The following OSBPL10 variants were observed in gnomAD, a reference collection of about 807,000 sequenced individuals.
OSBPL10 encodes oxysterol-binding protein-related protein 10.
OSBPL10 carries 49 observed loss-of-function variants against 81.7 expected under a neutral mutation model. The ratio of observed to expected loss-of-function variants is 0.60; its 90% CI spans 0.48 to 0.76. OSBPL10 has a LOEUF of 0.76. OSBPL10 is among the 30% of genes least tolerant of loss of function. The probability of loss-of-function intolerance (pLI) is 0.00; values close to 1 mark genes in which losing one functional copy is unlikely to be tolerated. For missense variants in OSBPL10, 923 were observed against 987.8 expected (o/e 0.93, Z 0.88); for synonymous variants, 419 against 383.6 (o/e 1.09, Z -1.08).
chr3:31,761,043 T>A (rs988947643), intron 4 of OSBPL10, among the ~76,000 whole-genome samples: 1 of 152,228 alleles, frequency 6.6e-6, no homozygotes, highest in Non-Finnish European at 1.5e-5. Flanking sequence ...CTCAGTCGTG[T>A]GTGAGCTGTC....
intron 8 of OSBPL10, among the ~76,000 whole-genome samples, chr3:31,676,895 G>A (rs1461780343): frequency 1.3e-5 from 2 of 152,170 alleles, no homozygotes; most frequent in African/African-American, 2.4e-5. Context: ...GGCTCTCACT[G>A]TTAGAGCAAT....
chr3:31,990,677 C>T, intron 2 of OSBPL10: 1 of 1,614,154 alleles, frequency 6.2e-7, no homozygotes. Flanking sequence ...AGACTTCATA[C>T]TGGAGAGAAA....
At chr3:31,853,575 G>C (rs1229871180) in intron 3 of OSBPL10, among the ~76,000 whole-genome samples, 1 of 152,190 alleles carries the variant, frequency 6.6e-6, no homozygotes. Context: ...CGATGCTATA[G>C]TTTGCCCAGC....
intron 4 of OSBPL10, among the ~76,000 whole-genome samples, chr3:31,815,532 C>T (rs1699814743): frequency 6.6e-6 from 1 of 152,114 alleles, no homozygotes; most frequent in Admixed American, 6.5e-5. Flanking sequence ...AGAGAGGTGG[C>T]CAGTTATGGA....
chr3:31,744,838 A>G (rs1355707475), intron 5 of OSBPL10, among the ~76,000 whole-genome samples: 2 of 151,636 alleles, frequency 1.3e-5, no homozygotes, highest in African/African-American at 2.4e-5. Flanking sequence ...TATTTTTTTC[A>G]AGAGGGATTA....
chr3:31,924,038 G>T (rs950955423), intron 1 of OSBPL10, among the ~76,000 whole-genome samples: 2 of 151,964 alleles, frequency 1.3e-5, no homozygotes, highest in Non-Finnish European at 2.9e-5. Context: ...CCAACATAGT[G>T]AAACCCTGTC....
At chr3:31,864,560 T>C (rs577303882) in intron 3 of OSBPL10, among the ~76,000 whole-genome samples, 4 of 151,920 alleles carry the variant, frequency 2.6e-5, no homozygotes, top group African/African-American at 9.7e-5. Context: ...CCATATAAAG[T>C]ATATGAGCTT....
chr3:32,027,838 T>A (rs946182697), intron 2 of OSBPL10, among the ~76,000 whole-genome samples: 1 of 152,136 alleles, frequency 6.6e-6, no homozygotes, highest in Non-Finnish European at 1.5e-5. Flanking sequence ...AAGCAAGAAA[T>A]GGAGGTCACC....
intron 1 of OSBPL10, among the ~76,000 whole-genome samples, chr3:32,052,677 A>G (rs1371280200): frequency 6.6e-6 from 1 of 152,198 alleles, no homozygotes; most frequent in African/African-American, 2.4e-5. Context: ...GCTGGAAACC[A>G]TCATTCTCAG....
chr3:31,989,301 CTCA>C (rs1559543926), intron 2 of OSBPL10: 1 of 1,614,138 alleles, frequency 6.2e-7, no homozygotes, highest in East Asian at 2.2e-5. Context: ...TGAAGAAGTT[CTCA>C]TCAACAGCGC....
rs920346329 is a variant in OSBPL10 at position 31,701,183 on chromosome 3, C to T, written c.1245+1176G>A. 5.3e-5 allele frequency among the ~76,000 whole-genome samples: 8 copies of T among 152,142 alleles called. No individual in the cohort carries two copies. In the East Asian group the frequency reaches 5.8e-4, roughly 11 times the overall value. On this transcript the variant is annotated intron_variant, in intron 7 of 11. Transcript: ENST00000396556. ...CTCAAAGAATTCCTCACACTACTGC[C>T]GCTTCCCTCTCTCTTCTCTTGCCCC...
intron 4 of OSBPL10, among the ~76,000 whole-genome samples, chr3:31,797,048 G>A (rs1699242475): frequency 7.0e-6 from 1 of 142,622 alleles, no homozygotes; most frequent in Admixed American, 7.2e-5. Context: ...AGGCTGGAGT[G>A]CAATGGCGCC....
In OSBPL10 at chr3:31,662,071, A is replaced by T; in HGVS notation, c.*1T>A. 2 of 1,614,044 alleles carry T rather than the reference A, an allele frequency of 1.2e-6. No individual in the cohort carries two copies. Among genetic ancestry groups the T allele is most frequent in the Non-Finnish European group, 1.7e-6 (2 of 1,179,972 alleles). On this transcript the variant is annotated 3_prime_UTR_variant, in exon 12 of 12. Transcript: ENST00000396556. ...CTGGAAAGCTCTGCACCTCCACCCC[A>T]TCAGTGTGCTTTCCAGAGGGGATTG...
chr3:31,710,511 G>A (rs1373735544), intron 6 of OSBPL10: 1 of 152,238 alleles, frequency 6.6e-6, no homozygotes, highest in African/African-American at 2.4e-5. Flanking sequence ...CCCTGTCCAC[G>A]AGGTAAGCAT....
chr3:31,838,705 G>A (rs1700423187), intron 3 of OSBPL10, among the ~76,000 whole-genome samples: 1 of 151,882 alleles, frequency 6.6e-6, no homozygotes, highest in Non-Finnish European at 1.5e-5. Flanking sequence ...CCATAACTGG[G>A]AGCTGAGTTA....
intron 11 of OSBPL10, chr3:31,663,319 G>A (rs1207278056): frequency 2.0e-6 from 2 of 985,342 alleles, no homozygotes; most frequent in East Asian, 2.3e-4. Context: ...ATCACTGGAA[G>A]ATGAGTGGCA....
chr3:31,930,968 C>G (rs1006386082), intron 1 of OSBPL10, among the ~76,000 whole-genome samples: 4 of 143,128 alleles, frequency 2.8e-5, no homozygotes, highest in Non-Finnish European at 6.0e-5. Context: ...GAGCCGAGAT[C>G]CCCCCCACTG....
At chr3:31,990,458 G>A in intron 2 of OSBPL10, 1 of 1,568,784 alleles carries the variant, frequency 6.4e-7, no homozygotes, top group South Asian at 1.2e-5. Flanking sequence ...AATGAGTGTG[G>A]CAAGACCTTC....
intron 1 of OSBPL10, among the ~76,000 whole-genome samples, chr3:31,927,500 G>A (rs1279158738): frequency 6.6e-6 from 1 of 152,142 alleles, no homozygotes; most frequent in Non-Finnish European, 1.5e-5. Flanking sequence ...CTCTGTCTTC[G>A]TAAACTGAAC....
Sources: gnomAD v4.1 joint callset for allele counts (sites outside exome capture counted in the v4.1 genomes callset) on GRCh38, gnomAD v4.1.1 for gene constraint, MANE v1.5 for transcripts, NCBI Gene and HGNC (gene_info 2026-07-23, HGNC 2026-07-21) for gene names.